Variants in SPATS2L observed in about 807,000 individuals in gnomAD.
The protein encoded by SPATS2L is SPATS2-like protein.
SPATS2L carries 30 observed loss-of-function variants against 59.6 expected under a neutral mutation model. The observed-to-expected ratio is 0.50, with a 90% confidence interval of 0.38 to 0.68. The LOEUF (loss-of-function observed/expected upper bound fraction) is 0.68. SPATS2L is among the 30% of genes least tolerant of loss of function. The pLI, the probability that SPATS2L is intolerant of heterozygous loss-of-function variation, is 0.00. For synonymous variants in SPATS2L, 252 were observed against 263.5 expected, an observed-to-expected ratio of 0.96 and a Z score of 0.42; for missense variants, 615 against 700.0, an observed-to-expected ratio of 0.88 and a Z score of 1.37.
At chr2:200,381,975 AT>A (rs892863478) in intron 2 of SPATS2L, among the ~76,000 whole-genome samples, 2 of 152,140 alleles carry the variant, frequency 1.3e-5, no homozygotes, top group Admixed American at 1.3e-4. Flanking sequence ...GCAAGAAACA[AT>A]TTGTTGGCTG....
At chr2:200,359,550 T>C (rs2081029326) in intron 2 of SPATS2L, among the ~76,000 whole-genome samples, 1 of 152,244 alleles carries the variant, frequency 6.6e-6, no homozygotes, top group African/African-American at 2.4e-5. Context: ...ACTAACATTA[T>C]TTCCTGTTAC....
upstream of SPATS2L, chr2:200,306,310 TCTTGCAA>T: frequency 1.0e-6 from 1 of 1,002,416 alleles, no homozygotes; most frequent in Non-Finnish European, 1.2e-6. Flanking sequence ...AAGATGATTC[TCTTGCAA>T]CACGTGCGGA....
chr2:200,327,125 C>G (rs2105785974), intron 1 of SPATS2L, among the ~76,000 whole-genome samples: 1 of 151,866 alleles, frequency 6.6e-6, no homozygotes, highest in South Asian at 2.1e-4. Context: ...ATCATTGAGC[C>G]AGGCGTGGTG....
At chr2:200,371,163 A>G (rs2081414186) in intron 2 of SPATS2L, among the ~76,000 whole-genome samples, 1 of 152,190 alleles carries the variant, frequency 6.6e-6, no homozygotes, top group African/African-American at 2.4e-5. Context: ...CTGAGTATAT[A>G]CATGTATATA....
intron 2 of SPATS2L, among the ~76,000 whole-genome samples, chr2:200,357,328 G>A (rs2080949236): frequency 6.6e-6 from 1 of 152,134 alleles, no homozygotes; most frequent in South Asian, 2.1e-4. Flanking sequence ...GGAGCCCTTA[G>A]CATTGCTGGC....
At chr2:200,329,609 C>T in intron 2 of SPATS2L, 129 bp downstream of exon 2, 2 of 750,366 alleles carry the variant, frequency 2.7e-6, no homozygotes, top group Non-Finnish European at 4.5e-6. Context: ...TCTCAGGGCT[C>T]AACACCAGAG....
At chr2:200,430,739 A>G (rs531142143) in intron 6 of SPATS2L, among the ~76,000 whole-genome samples, 42 of 127,684 alleles carry the variant, frequency 3.3e-4, no homozygotes, top group African/African-American at 1.2e-3. Context: ...TTTTTTTGAG[A>G]CAGAGTCTTG....
chr2:200,376,538 T>C (rs2081605656), intron 2 of SPATS2L, among the ~76,000 whole-genome samples: 2 of 152,246 alleles, frequency 1.3e-5, no homozygotes, highest in African/African-American at 2.4e-5. Context: ...TGAACTTTGC[T>C]CTTTCTATGT....
chr2:200,392,625 G>GT (rs978048697), intron 3 of SPATS2L, among the ~76,000 whole-genome samples: 6 of 152,012 alleles, frequency 3.9e-5, no homozygotes, highest in South Asian at 4.2e-4. Context: ...ATTTTTTACT[G>GT]TTTTTTTCCC....
At chr2:200,457,488 C>T (rs1169671590) in intron 8 of SPATS2L, among the ~76,000 whole-genome samples, 1 of 152,220 alleles carries the variant, frequency 6.6e-6, no homozygotes, top group African/African-American at 2.4e-5. Context: ...TCTCACTGTA[C>T]ACCTTTCTGT....
At chr2:200,408,961 G>A (rs536128704) in intron 3 of SPATS2L, among the ~76,000 whole-genome samples, 61 of 152,374 alleles carry the variant, frequency 4.0e-4, no homozygotes, top group African/African-American at 1.4e-3. Context: ...GGAAGGTAAA[G>A]CAGTTGCTAA....
intron 1 of SPATS2L, among the ~76,000 whole-genome samples, chr2:200,312,978 G>A (rs940877144): frequency 3.9e-5 from 6 of 152,182 alleles, no homozygotes; most frequent in African/African-American, 1.4e-4. Flanking sequence ...AATCTTGGAA[G>A]GTAAGGATTA....
intron 6 of SPATS2L, among the ~76,000 whole-genome samples, chr2:200,437,770 AT>A (rs1347498104): frequency 6.6e-6 from 1 of 152,170 alleles, no homozygotes; most frequent in East Asian, 1.9e-4. Context: ...CTGAAGTCTA[AT>A]TATATTGATC....
In SPATS2L at chr2:200,479,504, G is replaced by GT. The variant is rs904530359; in HGVS notation, c.*1474dup. 1.3e-4 allele frequency: 50 copies of GT among 398,562 alleles called. No homozygotes were observed. The highest frequency in any genetic ancestry group is 9.8e-4 in the African/African-American group (48 of 48,738). The allele number at this position is 398,562 out of a possible 1,614,324, so 24.7% of individuals were successfully genotyped here. ...ATTAGAGCCCACCCCTGGAGCCTGG[G>GT]TGTGGCCATCTTCCCAGAGTTCCTG... On this transcript the variant is annotated 3_prime_UTR_variant, in exon 13 of 13. Transcript: ENST00000409140.
At chr2:200,428,282 T>C (rs1417741805) in intron 6 of SPATS2L, among the ~76,000 whole-genome samples, 1 of 152,220 alleles carries the variant, frequency 6.6e-6, no homozygotes, top group East Asian at 1.9e-4. Flanking sequence ...TATTATTGAA[T>C]CTAGCCATTG....
chr2:200,446,184 G>T (rs955515834), intron 8 of SPATS2L, among the ~76,000 whole-genome samples: 1 of 152,040 alleles, frequency 6.6e-6, no homozygotes, highest in Non-Finnish European at 1.5e-5. Flanking sequence ...ACAATTTTTT[G>T]ATTAGCTGGG....
chr2:200,473,405 A>C (rs889177249), intron 12 of SPATS2L, among the ~76,000 whole-genome samples: 2 of 152,122 alleles, frequency 1.3e-5, no homozygotes, highest in African/African-American at 4.8e-5. Context: ...ACCCACAGAG[A>C]CTCTGGAACA....
At chr2:200,450,849 C>T (rs369724809) in intron 8 of SPATS2L, among the ~76,000 whole-genome samples, 1 of 152,190 alleles carries the variant, frequency 6.6e-6, no homozygotes, top group African/African-American at 2.4e-5. Flanking sequence ...GAAAAATCAA[C>T]TCTACCTGGC....
At chr2:200,394,717 C>T (rs370612667) in intron 3 of SPATS2L, among the ~76,000 whole-genome samples, 2 of 152,204 alleles carry the variant, frequency 1.3e-5, no homozygotes, top group African/African-American at 4.8e-5. Context: ...AATGTCATCT[C>T]ATTTTAGTAC....
Sources: gnomAD v4.1 joint callset for allele counts (sites outside exome capture counted in the v4.1 genomes callset) on GRCh38, gnomAD v4.1.1 for gene constraint, MANE v1.5 for transcripts, NCBI Gene and HGNC (gene_info 2026-07-23, HGNC 2026-07-21) for gene names.